ZFPM2: variants seen among roughly 807,000 people sequenced by gnomAD.
ZFPM2 encodes zinc finger protein ZFPM2.
A neutral mutation model predicts 98.6 loss-of-function variants in ZFPM2; 20 were observed. The observed-to-expected ratio is 0.20, with a 90% CI of 0.14 to 0.29. The LOEUF (loss-of-function observed/expected upper bound fraction) is 0.29, where lower values mean the gene tolerates loss of function less well. Ranked by LOEUF, ZFPM2 falls within the 10% of genes least tolerant of loss-of-function variation. The probability of loss-of-function intolerance (pLI) is 1.00; values close to 1 mark genes in which losing one functional copy is unlikely to be tolerated. For missense variants in ZFPM2, 1,310 were observed against 1,388.6 expected (o/e 0.94, Z 0.90); for synonymous variants, 518 against 502.7 (o/e 1.03, Z -0.41).
chr8:105,733,925 C>G (rs767506732), intron 5 of ZFPM2, among the ~76,000 whole-genome samples: 5 of 151,814 alleles, frequency 3.3e-5, no homozygotes, highest in Non-Finnish European at 5.9e-5. Context: ...AAATCAAGGA[C>G]ATTTTGCAAC....
At chr8:105,449,009 C>T (rs190413240) in intron 3 of ZFPM2, among the ~76,000 whole-genome samples, 3 of 152,074 alleles carry the variant, frequency 2.0e-5, no homozygotes, top group Admixed American at 6.6e-5. Context: ...TAGAAGGAGA[C>T]TAGGGAAAGA....
chr8:105,484,193 C>T (rs1054001266), intron 3 of ZFPM2, among the ~76,000 whole-genome samples: 2 of 151,926 alleles, frequency 1.3e-5, no homozygotes, highest in African/African-American at 4.8e-5. Context: ...GACATTATTT[C>T]TTCAAAATAT....
At chr8:105,477,237 C>CTTTTT (rs397891589) in intron 3 of ZFPM2, among the ~76,000 whole-genome samples, 32 of 74,490 alleles carry the variant, frequency 4.3e-4, no homozygotes, top group Non-Finnish European at 4.8e-4. Context: ...TGCTAGCAAT[C>CTTTTT]TTTTTTTTTT....
intron 3 of ZFPM2, among the ~76,000 whole-genome samples, chr8:105,481,719 G>GT (rs1813123407): frequency 6.6e-6 from 1 of 152,106 alleles, no homozygotes; most frequent in Admixed American, 6.6e-5. Flanking sequence ...TCTTAAGTAG[G>GT]TAAGTTAGCA....
chr8:105,448,042 T>C (rs1249937874), intron 3 of ZFPM2, among the ~76,000 whole-genome samples: 1 of 152,138 alleles, frequency 6.6e-6, no homozygotes. Flanking sequence ...TTTAAATGTT[T>C]GTGATTCCTG....
Position 105,801,951 on chromosome 8 carries a change from A to T in ZFPM2, c.1869A>T (p.Thr623=). The change falls in exon 8 of 8, where the codon ACA becomes ACT. Residue 623 remains threonine (T), a synonymous_variant. Transcript: ENST00000407775. ...SADPENPLLQ[T]SCINSSTVLD... is the part of the protein sequence containing the mutation. ...ATCCTGAGAATCCACTTCTTCAAACATCTTGCATCAATTCTTCCACTGTCT... is the reference window on the plus strand; with the variant it reads ...ATCCTGAGAATCCACTTCTTCAAACTTCTTGCATCAATTCTTCCACTGTCT... The T allele has an allele frequency of 6.2e-7, 1 of 1,613,834 alleles. No homozygotes were observed. The highest frequency in any genetic ancestry group is 8.5e-7 in the Non-Finnish European group (1 of 1,179,850).
At chr8:105,712,888 C>T (rs1222117089) in intron 5 of ZFPM2, among the ~76,000 whole-genome samples, 1 of 152,032 alleles carries the variant, frequency 6.6e-6, no homozygotes, top group Non-Finnish European at 1.5e-5. Flanking sequence ...GACATGATAT[C>T]ATTCTTTTTT....
intron 4 of ZFPM2, among the ~76,000 whole-genome samples, chr8:105,633,647 G>T (rs895700349): frequency 2.1e-4 from 32 of 152,230 alleles, no homozygotes; most frequent in African/African-American, 7.5e-4. Flanking sequence ...ATTTATTCAC[G>T]ATTCCTCTTT....
intron 3 of ZFPM2, among the ~76,000 whole-genome samples, chr8:105,517,305 C>A (rs548835598): frequency 1.3e-5 from 2 of 152,248 alleles, no homozygotes; most frequent in South Asian, 4.1e-4. Context: ...TCCAAATATA[C>A]TCAGGATACA....
intron 5 of ZFPM2, among the ~76,000 whole-genome samples, chr8:105,786,269 A>G (rs1690453461): frequency 6.6e-6 from 1 of 152,090 alleles, no homozygotes. Context: ...TAGCTTGTCT[A>G]ACTTCTCCAA....
chr8:105,582,679 C>T (rs1323669208), intron 4 of ZFPM2, among the ~76,000 whole-genome samples: 1 of 152,138 alleles, frequency 6.6e-6, no homozygotes, highest in African/African-American at 2.4e-5. Context: ...CTGCCACCTC[C>T]ACCTCTCGGG....
At chr8:105,528,682 T>A (rs996503871) in intron 3 of ZFPM2, among the ~76,000 whole-genome samples, 22 of 152,156 alleles carry the variant, frequency 1.4e-4, no homozygotes, top group Admixed American at 1.4e-3. Context: ...TAAATGGAAT[T>A]CTAAAAGCAT....
At chr8:105,477,045 A>C (rs1445404706) in intron 3 of ZFPM2, among the ~76,000 whole-genome samples, 1 of 152,180 alleles carries the variant, frequency 6.6e-6, no homozygotes, top group Non-Finnish European at 1.5e-5. Context: ...CACATGAAGA[A>C]AAGGAAATGT....
chr8:105,618,513 G>A (rs958970520), intron 4 of ZFPM2, among the ~76,000 whole-genome samples: 56 of 152,066 alleles, frequency 3.7e-4, no homozygotes, highest in Non-Finnish European at 4.4e-5. Flanking sequence ...TTAGAGCAAT[G>A]TGTTTTCTAG....
chr8:105,506,428 T>G (rs898184929), intron 3 of ZFPM2, among the ~76,000 whole-genome samples: 5 of 152,218 alleles, frequency 3.3e-5, no homozygotes, highest in African/African-American at 1.2e-4. Flanking sequence ...ATTCAGATTA[T>G]TTCTTAAAAA....
intron 2 of ZFPM2, among the ~76,000 whole-genome samples, chr8:105,427,406 A>G (rs1811937218): frequency 6.6e-6 from 1 of 152,178 alleles, no homozygotes; most frequent in Non-Finnish European, 1.5e-5. Context: ...GACAAACTAA[A>G]TTCATTGTTC....
In ZFPM2 at chr8:105,677,492, A is replaced by C. The variant is rs371310442; in HGVS notation, c.532+43135A>C. 1.6e-4 allele frequency among the ~76,000 whole-genome samples: 24 copies of C among 152,230 alleles called. 1 individual carries two copies. In the South Asian group the frequency reaches 4.6e-3, roughly 29 times the overall value. ...AAAACAATGATATTGCTAAAATTAA[A>C]CAATTCTCTTCAACAAATAAGTGTC... On this transcript the variant is annotated intron_variant, in intron 5 of 7. Coordinates refer to ENST00000407775, the MANE Select transcript of ZFPM2 (RefSeq NM_012082.4).
At chr8:105,379,415 C>CAACT (rs1464527845) in intron 1 of ZFPM2, among the ~76,000 whole-genome samples, 1 of 152,094 alleles carries the variant, frequency 6.6e-6, no homozygotes, top group Non-Finnish European at 1.5e-5. Context: ...GAAATATTTA[C>CAACT]AACTCATCAG....
chr8:105,712,901 T>C (rs1370693285), intron 5 of ZFPM2, among the ~76,000 whole-genome samples: 4 of 152,114 alleles, frequency 2.6e-5, no homozygotes, highest in Non-Finnish European at 4.4e-5. Context: ...TCTTTTTTTA[T>C]GGCTGCATAG....
Sources: allele counts gnomAD v4.1 joint callset (sites outside exome capture counted in the v4.1 genomes callset), GRCh38; gene constraint gnomAD v4.1.1; transcripts MANE v1.5; gene names NCBI Gene and HGNC (gene_info 2026-07-23, HGNC 2026-07-21).